The following FRY variants were observed in gnomAD, a reference collection of about 807,000 sequenced individuals.
FRY encodes the protein protein furry homolog.
Under a neutral mutation model 348.4 loss-of-function variants are expected in FRY, and 128 were observed. The ratio of observed to expected loss-of-function variants is 0.37; its 90% CI spans 0.32 to 0.43. The LOEUF is 0.43. FRY is among the 20% of genes least tolerant of loss of function. The pLI, the probability that FRY is intolerant of heterozygous loss-of-function variation, is 1.00. For missense variants in FRY, 2,736 were observed against 3,695.2 expected, an observed-to-expected ratio of 0.74 and a Z score of 6.73; for synonymous variants, 1,370 against 1,374.7, an observed-to-expected ratio of 1.00 and a Z score of 0.08.
chr13:32,046,677 T>C (rs1357162536), intron 1 of FRY, among the ~76,000 whole-genome samples: 1 of 152,234 alleles, frequency 6.6e-6, no homozygotes, highest in East Asian at 1.9e-4. Flanking sequence ...TTATTGTGTT[T>C]CCATGTAAGG....
In FRY at chr13:32,239,394, C is replaced by A; in HGVS notation, c.6516+45C>A. 8.6e-7 allele frequency: 1 copy of A among 1,169,070 alleles called. No individual in the cohort carries two copies. Among genetic ancestry groups the A allele is most frequent in the Non-Finnish European group, 1.3e-6 (1 of 773,250 alleles). 72.4% of individuals were successfully genotyped at this position (1,169,070 alleles called of 1,614,324 possible). On this transcript the variant is annotated intron_variant, in intron 45 of 60. Coordinates refer to ENST00000542859, the MANE Select transcript of FRY (RefSeq NM_023037.3). This position sits in a 1 kb window ranked among gnomAD's most constrained non-coding sequence, Gnocchi z 4.3. ...ACTCAGGCAGATCCATAGAGGCCTT[C>A]AGGACGCCCTAGTGTCAGGCAAATT... is the stretch of plus-strand genomic sequence containing the variant.
intron 58 of FRY, among the ~76,000 whole-genome samples, chr13:32,283,289 A>G (rs1249705240): frequency 6.6e-6 from 1 of 152,214 alleles, no homozygotes; most frequent in Non-Finnish European, 1.5e-5. Flanking sequence ...CACTAAGTGT[A>G]GACTGCCCTA....
At chr13:32,236,604 C>T (rs1490913358) in intron 43 of FRY, among the ~76,000 whole-genome samples, 5 of 151,958 alleles carry the variant, frequency 3.3e-5, no homozygotes, top group African/African-American at 1.2e-4. Flanking sequence ...TAAATGTTGA[C>T]TTCATTCAAA....
intron 39 of FRY, 55 bp downstream of exon 39, chr13:32,226,029 T>G (rs1243423577): frequency 6.6e-7 from 1 of 1,506,054 alleles, no homozygotes; most frequent in African/African-American, 1.4e-5. Flanking sequence ...CAGAGATAAC[T>G]AACTGCGGGT....
At chr13:32,172,315 G>T (rs570002910) in intron 18 of FRY, among the ~76,000 whole-genome samples, 1 of 152,236 alleles carries the variant, frequency 6.6e-6, no homozygotes, top group Admixed American at 6.5e-5. Flanking sequence ...ATGTGGATGT[G>T]GGTTTAGGTG....
intron 1 of FRY, among the ~76,000 whole-genome samples, chr13:32,038,808 G>T (rs1482105893): frequency 6.6e-6 from 1 of 152,116 alleles, no homozygotes; most frequent in Non-Finnish European, 1.5e-5. Context: ...CTTGGTTATT[G>T]CTCCAACATG....
chr13:32,102,244 T>C (rs370670681), intron 3 of FRY, among the ~76,000 whole-genome samples: 1 of 152,162 alleles, frequency 6.6e-6, no homozygotes. Context: ...ATAATATGAG[T>C]AGGTCTTCAA....
intron 50 of FRY, among the ~76,000 whole-genome samples, chr13:32,252,594 G>C (rs963030280): frequency 6.6e-6 from 1 of 151,858 alleles, no homozygotes; most frequent in African/African-American, 2.4e-5. Context: ...AGGTATTTTT[G>C]TTTCACCTGT....
Position 32,296,586 on chromosome 13 carries a change from A to T in FRY, c.*1126A>T, listed in dbSNP as rs1467004522. The T allele has an allele frequency of 6.7e-6, 1 of 150,098 alleles. No individual in the cohort carries two copies. Among genetic ancestry groups the T allele is most frequent in the Non-Finnish European group, 1.5e-5 (1 of 67,644 alleles). The allele number at this position is 150,098 out of a possible 1,614,324, so 9.3% of individuals were successfully genotyped here. ...AGTTTTTGTGATGTAAGCTTAATTG[A>T]TATTCTGTTCAGAACTTTCTTTAGA... is the stretch of plus-strand genomic sequence containing the variant. On this transcript the variant is annotated 3_prime_UTR_variant, in exon 61 of 61. Coordinates refer to ENST00000542859, the MANE Select transcript of FRY (RefSeq NM_023037.3).
At chr13:32,155,734 G>A in intron 15 of FRY, 72 bp downstream of exon 15, 1 of 987,722 alleles carries the variant, frequency 1.0e-6, no homozygotes, top group Non-Finnish European at 1.5e-6. Flanking sequence ...TTTATCTTTA[G>A]TGAGATGCAG....
intron 1 of FRY, among the ~76,000 whole-genome samples, chr13:32,062,583 TTA>T (rs1300682694): frequency 1.3e-5 from 2 of 152,198 alleles, no homozygotes; most frequent in Admixed American, 6.5e-5. Flanking sequence ...TAAGTGAATT[TTA>T]TGTCTTTGTA....
At chr13:32,230,729 G>A (rs1249388970) in intron 40 of FRY, among the ~76,000 whole-genome samples, 6 of 152,260 alleles carry the variant, frequency 3.9e-5, no homozygotes, top group South Asian at 4.1e-4. Flanking sequence ...TTGAGGAATC[G>A]CCACACTGTC....
chr13:32,289,548 AG>A (rs1566198489), intron 58 of FRY, 84 bp from the exon 59 acceptor site: 10 of 802,612 alleles, frequency 1.2e-5, no homozygotes, highest in Non-Finnish European at 1.7e-5. Flanking sequence ...TTAAAAAAAA[AG>A]TTTGTCTCCA....
At chr13:32,049,231 A>G (rs1873191061) in intron 1 of FRY, among the ~76,000 whole-genome samples, 1 of 152,138 alleles carries the variant, frequency 6.6e-6, no homozygotes, top group African/African-American at 2.4e-5. Context: ...ACTGTTACAG[A>G]GAAGAGGGGG....
intron 28 of FRY, among the ~76,000 whole-genome samples, chr13:32,188,616 A>G (rs1883160211): frequency 6.6e-6 from 1 of 152,132 alleles, no homozygotes; most frequent in African/African-American, 2.4e-5. Flanking sequence ...AAAGTCAACA[A>G]GCGAAATTCC....
chr13:32,037,037 CACACACACACACACACACACAA>C (rs1399299383), intron 1 of FRY, among the ~76,000 whole-genome samples: 1 of 94,086 alleles, frequency 1.1e-5, no homozygotes, highest in Non-Finnish European at 2.4e-5. Context: ...TACACACACA[CACACACACACACACACACACAA>C]ACACACACAC....
At chr13:32,040,390 G>A (rs1872702809) in intron 1 of FRY, among the ~76,000 whole-genome samples, 1 of 152,170 alleles carries the variant, frequency 6.6e-6, no homozygotes. Context: ...GTCTGTCACT[G>A]ATTAATGTGA....
intron 31 of FRY, among the ~76,000 whole-genome samples, chr13:32,203,852 C>T (rs1884190680): frequency 6.6e-6 from 1 of 152,202 alleles, no homozygotes; most frequent in Non-Finnish European, 1.5e-5. Flanking sequence ...CTGCTTTGTC[C>T]AGATCTTCCT....
chr13:32,149,378 A>G (rs986939769), intron 13 of FRY, among the ~76,000 whole-genome samples: 1 of 152,136 alleles, frequency 6.6e-6, no homozygotes, highest in Admixed American at 6.5e-5. Context: ...TCTCTTTAAA[A>G]ATACATTTTA....
Sources: gnomAD v4.1 joint callset for allele counts (sites outside exome capture counted in the v4.1 genomes callset) on GRCh38, gnomAD v4.1.1 for gene constraint, Gnocchi (gnomAD v3.1) non-coding constraint, MANE v1.5 for transcripts, NCBI Gene and HGNC (gene_info 2026-07-23, HGNC 2026-07-21) for gene names.